The following RAD51B variants were observed in gnomAD, a reference collection of about 807,000 sequenced individuals.
RAD51B encodes the protein RAD51 paralog B.
Under a neutral mutation model 42.2 loss-of-function variants are expected in RAD51B, and 38 were observed. The observed-to-expected ratio is 0.90, with a 90% CI of 0.70 to 1.18. The LOEUF (loss-of-function observed/expected upper bound fraction) is 1.18. Among genes scored for constraint, RAD51B ranks in the 50% most tolerant of loss-of-function variants. The pLI is 0.00. For missense variants in RAD51B, 373 were observed against 400.7 expected (o/e 0.93, Z 0.59); for synonymous variants, 154 against 145.2 (o/e 1.06, Z -0.43).
intron 10 of RAD51B, among the ~76,000 whole-genome samples, chr14:68,549,255 G>A (rs1157538601): frequency 6.6e-6 from 1 of 151,934 alleles, no homozygotes; most frequent in African/African-American, 2.4e-5. Flanking sequence ...TGTTCCAGGG[G>A]GAGGGATGGG....
intron 7 of RAD51B, among the ~76,000 whole-genome samples, chr14:68,027,093 T>A (rs961114951): frequency 1.3e-5 from 2 of 152,326 alleles, no homozygotes; most frequent in South Asian, 4.1e-4. Context: ...TTTCCTTAGT[T>A]TATGAAGCTT....
intron 7 of RAD51B, among the ~76,000 whole-genome samples, chr14:68,005,647 G>A (rs1298127460): frequency 6.6e-6 from 1 of 152,134 alleles, no homozygotes; most frequent in African/African-American, 2.4e-5. Context: ...ATAACATGTA[G>A]TATGCTGTTA....
chr14:68,646,215 A>G (rs1892561559), intron 10 of RAD51B, among the ~76,000 whole-genome samples: 1 of 152,206 alleles, frequency 6.6e-6, no homozygotes, highest in South Asian at 2.1e-4. Context: ...GTTCCTCTCC[A>G]CTAACAGTAA....
chr14:68,099,780 G>A (rs1023185580), intron 7 of RAD51B, among the ~76,000 whole-genome samples: 9 of 152,168 alleles, frequency 5.9e-5, no homozygotes, highest in South Asian at 2.1e-4. Flanking sequence ...TTAATGCTGC[G>A]GTTGTTCTGC....
chr14:68,214,244 T>C (rs561951308), intron 7 of RAD51B, among the ~76,000 whole-genome samples: 13 of 152,158 alleles, frequency 8.5e-5, no homozygotes, highest in Non-Finnish European at 1.6e-4. Context: ...GCACAAAAAT[T>C]CTTTTTGGTA....
chr14:68,637,076 A>G (rs1365493349), intron 10 of RAD51B, among the ~76,000 whole-genome samples: 2 of 151,714 alleles, frequency 1.3e-5, no homozygotes, highest in Non-Finnish European at 2.9e-5. Flanking sequence ...AGTGCCCGTC[A>G]CTCTTAACAA....
At chr14:68,275,837 C>T (rs1007215263) in intron 7 of RAD51B, among the ~76,000 whole-genome samples, 28 of 139,686 alleles carry the variant, frequency 2.0e-4, no homozygotes, top group Non-Finnish European at 3.6e-4. Flanking sequence ...CACACACACA[C>T]ACACCCTTGA....
At chr14:68,055,675 A>G (rs2076462162) in intron 7 of RAD51B, among the ~76,000 whole-genome samples, 1 of 152,216 alleles carries the variant, frequency 6.6e-6, no homozygotes, top group Non-Finnish European at 1.5e-5. Flanking sequence ...TACTTCTAGC[A>G]TTGGATCTCT....
intron 7 of RAD51B, among the ~76,000 whole-genome samples, chr14:68,219,892 T>C (rs546106130): frequency 1.7e-4 from 26 of 152,260 alleles, no homozygotes; most frequent in Non-Finnish European, 3.1e-4. Flanking sequence ...ATTATTAAGC[T>C]AATCAAGGAG....
At chr14:68,668,413 C>T (rs1893077466) in intron 11 of RAD51B, among the ~76,000 whole-genome samples, 1 of 152,224 alleles carries the variant, frequency 6.6e-6, no homozygotes, top group South Asian at 2.1e-4. Flanking sequence ...ACGCATTCCA[C>T]TCCACTTCCC....
At chr14:68,663,484 G>A (rs1352600058) in intron 11 of RAD51B, among the ~76,000 whole-genome samples, 5 of 151,976 alleles carry the variant, frequency 3.3e-5, no homozygotes, top group Non-Finnish European at 7.4e-5. Flanking sequence ...CTTTCACTTC[G>A]CCCCCTTTAC....
chr14:67,848,309 G>A (rs984010803), intron 4 of RAD51B, among the ~76,000 whole-genome samples: 6 of 152,110 alleles, frequency 3.9e-5, no homozygotes, highest in South Asian at 2.1e-4. Flanking sequence ...GAGCCACCAC[G>A]CCTGGCTGGA....
At chr14:67,871,443 C>T (rs1165042777) in intron 5 of RAD51B, among the ~76,000 whole-genome samples, 1 of 152,140 alleles carries the variant, frequency 6.6e-6, no homozygotes, top group Non-Finnish European at 1.5e-5. Context: ...TGGCAGTAAT[C>T]AATAGCTTAC....
At chr14:68,420,352 G>A (rs1476875823) in intron 9 of RAD51B, among the ~76,000 whole-genome samples, 3 of 152,098 alleles carry the variant, frequency 2.0e-5, no homozygotes, top group African/African-American at 7.2e-5. Context: ...GTGAAAGCAA[G>A]TTTATTAAGA....
intron 11 of RAD51B, among the ~76,000 whole-genome samples, chr14:68,661,859 ACCCAGTGGTCTTTGTACTCT>A (rs1892940448): frequency 6.6e-6 from 1 of 152,098 alleles, no homozygotes; most frequent in Non-Finnish European, 1.5e-5. Flanking sequence ...GTTAGCCATC[ACCCAGTGGTCTTTGTACTCT>A]CTTTCTGTCC....
chr14:67,933,276 C>T (rs1050123619), intron 7 of RAD51B, among the ~76,000 whole-genome samples: 1 of 152,162 alleles, frequency 6.6e-6, no homozygotes, highest in Non-Finnish European at 1.5e-5. Context: ...TGGGTCCAGC[C>T]AGTGCTATGC....
intron 7 of RAD51B, among the ~76,000 whole-genome samples, chr14:68,225,943 A>G (rs557475691): frequency 2.7e-4 from 41 of 152,312 alleles, no homozygotes; most frequent in Non-Finnish European, 5.4e-4. Flanking sequence ...CTGAAAATGT[A>G]TATATTCTAT....
chr14:67,827,230 A>G (rs1407200241), intron 3 of RAD51B, among the ~76,000 whole-genome samples: 1 of 152,176 alleles, frequency 6.6e-6, no homozygotes, highest in Non-Finnish European at 1.5e-5. Context: ...CACCAGAAAA[A>G]CCTTTAATTT....
intron 7 of RAD51B, among the ~76,000 whole-genome samples, chr14:68,097,717 G>A (rs1028435438): frequency 3.9e-5 from 6 of 152,256 alleles, no homozygotes; most frequent in East Asian, 3.9e-4. Context: ...CTGGAAAAAC[G>A]TATCTTCCTT....
Sources: gnomAD v4.1 joint callset for allele counts (sites outside exome capture counted in the v4.1 genomes callset) on GRCh38, gnomAD v4.1.1 for gene constraint, MANE v1.5 for transcripts, NCBI Gene and HGNC (gene_info 2026-07-23, HGNC 2026-07-21) for gene names.